Variants in NRBP1 observed in about 807,000 individuals in gnomAD.
The protein encoded by NRBP1 is nuclear receptor-binding protein.
A neutral mutation model predicts 76.0 loss-of-function variants in NRBP1; 10 were observed. That is an observed-to-expected ratio of 0.13 (90% CI 0.08 to 0.22). The LOEUF (loss-of-function observed/expected upper bound fraction) is 0.22, where lower values mean the gene tolerates loss of function less well. Among genes scored for constraint, NRBP1 ranks in the 10% least tolerant of loss-of-function variants. NRBP1 has a pLI of 1.00. For missense variants in NRBP1, 344 were observed against 646.0 expected (o/e 0.53, Z 5.07); for synonymous variants, 235 against 240.2 (o/e 0.98, Z 0.20).
chr2:27,434,816 A>G (rs1252210267), intron 6 of NRBP1, 54 bp downstream of exon 6: 29 of 1,544,158 alleles, frequency 1.9e-5, no homozygotes, highest in Middle Eastern at 1.7e-4. Flanking sequence ...AGTTACTCCA[A>G]ACAGATTTCA....
Position 27,441,734 on chromosome 2 carries a change from G to A in NRBP1, c.1530G>A (p.Leu510=). Residue 510 remains leucine (L), a synonymous_variant, in exon 18 of 18, where the codon CTG becomes CTA. Coordinates refer to ENST00000379852, the MANE Select transcript of NRBP1 (RefSeq NM_013392.4). ...SEADQSRLTS[L]LEETLNKFNF... is the part of the protein sequence containing the mutation. ...CTGACCAGAGCCGGTTGACTTCTCT[G>A]CTAGAAGAGACCTTGAACAAGTTCA... is the stretch of plus-strand genomic sequence containing the variant. 6.2e-7 allele frequency: 1 copy of A among 1,613,740 alleles called. No individual in the cohort carries two copies.
chr2:27,439,357 C>CT (rs1664433524), intron 10 of NRBP1, among the ~76,000 whole-genome samples: 1 of 151,528 alleles, frequency 6.6e-6, no homozygotes, highest in East Asian at 2.0e-4. Flanking sequence ...TGGTGGTGGG[C>CT]ACCTGTAGTC....
chr2:27,438,821 T>C (rs1160980846), intron 10 of NRBP1, among the ~76,000 whole-genome samples: 3 of 152,116 alleles, frequency 2.0e-5, no homozygotes, highest in African/African-American at 7.2e-5. Context: ...TATCTGGGTA[T>C]GGTGGCACAT....
chr2:27,440,040 G>C (rs71441078), intron 11 of NRBP1, 142 bp downstream of exon 11: 3 of 701,644 alleles, frequency 4.3e-6, no homozygotes, highest in Non-Finnish European at 6.3e-6. Flanking sequence ...TTGAGACAGA[G>C]TCTCACTCTC....
intron 1 of NRBP1, among the ~76,000 whole-genome samples, chr2:27,430,469 C>CTTTTTTTTTTTTTT (rs977927783): frequency 7.2e-6 from 1 of 138,686 alleles, no homozygotes; most frequent in African/African-American, 2.6e-5. Context: ...TTCTTTTTTT[C>CTTTTTTTTTTTTTT]TTTTTTTTTT....
intron 14 of NRBP1, 93 bp downstream of exon 14, chr2:27,441,033 T>C: frequency 1.2e-6 from 2 of 1,607,900 alleles, no homozygotes; most frequent in Non-Finnish European, 1.7e-6. Flanking sequence ...GAGAAAATGC[T>C]CCCTAGCAGC....
intron 2 of NRBP1, 84 bp downstream of exon 2, chr2:27,433,567 C>T (rs552338858): frequency 2.5e-6 from 4 of 1,602,050 alleles, no homozygotes; most frequent in Non-Finnish European, 3.4e-6. Flanking sequence ...AAGAGGCCAA[C>T]CAAACTTCAA....
Position 27,442,095 on chromosome 2 carries a change from C to A in NRBP1, c.*283C>A. The A allele has an allele frequency of 1.9e-6, 1 of 535,160 alleles. No individual in the cohort carries two copies. Among genetic ancestry groups the A allele is most frequent in the Non-Finnish European group, 3.3e-6 (1 of 306,334 alleles). 33.2% of individuals were successfully genotyped at this position (535,160 alleles called of 1,614,324 possible). On this transcript the variant is annotated 3_prime_UTR_variant, in exon 18 of 18. Transcript: ENST00000379852. ...AGTCGCTGATCTGCCGGCTCCCGCCCAGCCTGTGTGGAAAGGAGGCCCACG... is the reference window on the plus strand; with the variant it reads ...AGTCGCTGATCTGCCGGCTCCCGCCAAGCCTGTGTGGAAAGGAGGCCCACG...
chr2:27,434,397 A>C, intron 4 of NRBP1, 74 bp from the exon 5 acceptor site: 1 of 1,118,476 alleles, frequency 8.9e-7, no homozygotes. Context: ...CAAACCTTCA[A>C]ATTTAAAATA....
chr2:27,434,141 A>G (rs1195911945), intron 4 of NRBP1, 51 bp downstream of exon 4: 1 of 1,336,806 alleles, frequency 7.5e-7, no homozygotes, highest in Non-Finnish European at 1.1e-6. Context: ...GAGACTAGCT[A>G]CATTTATTAT....
In NRBP1 at chr2:27,437,307, C is replaced by A; in HGVS notation, c.850C>A (p.Pro284Thr). ...GGGCAATGGAGAGTCCTCATATGTG[C>A]CACAGGAAGCCATCAGCAGTGCCAT... ...IQGNGESSYV[P>T]QEAISSAIQL... The change falls in exon 10 of 18, where the codon CCA becomes ACA. Residue 284 changes from proline (P) to threonine (T), a missense_variant. This residue lies in a region of NRBP1 where 218 missense variants were observed against 309.8 expected (regional missense o/e 0.70). Transcript: ENST00000379852. The A allele has an allele frequency of 1.2e-6, 2 of 1,613,866 alleles. No individual in the cohort carries two copies. The highest frequency in any genetic ancestry group is 1.7e-6 in the Non-Finnish European group (2 of 1,179,866).
intron 6 of NRBP1, 88 bp downstream of exon 6, chr2:27,434,850 C>A: frequency 7.6e-7 from 1 of 1,320,438 alleles, no homozygotes; most frequent in South Asian, 1.2e-5. Context: ...CTGTTCTATT[C>A]TGCCTCTCCC....
chr2:27,436,103 GCAGA>G, intron 7 of NRBP1: 5 of 406,572 alleles, frequency 1.2e-5, no homozygotes, highest in South Asian at 1.1e-4. Context: ...CAGCTCTGTG[GCAGA>G]CAGTGTTGAG....
intron 1 of NRBP1, among the ~76,000 whole-genome samples, chr2:27,432,336 A>G (rs1664143601): frequency 6.6e-6 from 1 of 152,232 alleles, no homozygotes; most frequent in Non-Finnish European, 1.5e-5. Context: ...GGTCATCTTC[A>G]ACTAAGATAG....
chr2:27,438,680 T>A (rs1009763132), intron 10 of NRBP1, among the ~76,000 whole-genome samples: 2 of 152,132 alleles, frequency 1.3e-5, no homozygotes, highest in African/African-American at 2.4e-5. Context: ...GAGGCGGTGG[T>A]GGAACATGGT....
At chr2:27,435,804 C>T (rs1053159488) in intron 7 of NRBP1, 13 of 717,336 alleles carry the variant, frequency 1.8e-5, no homozygotes, top group Non-Finnish European at 3.1e-5. Flanking sequence ...GCTCCCTTGG[C>T]GGCTGCCCAG....
At chr2:27,438,531 G>T (rs1572693324) in intron 10 of NRBP1, among the ~76,000 whole-genome samples, 1 of 152,218 alleles carries the variant, frequency 6.6e-6, no homozygotes, top group African/African-American at 2.4e-5. Context: ...AAGTCAGGAG[G>T]ATAGTGTGGA....
chr2:27,433,614 G>A lies in NRBP1; in HGVS notation c.211-59G>A, dbSNP rs568278440. 2.5e-6 allele frequency: 4 copies of A among 1,611,336 alleles called. No individual in the cohort carries two copies. In the South Asian group the frequency reaches 4.4e-5, roughly 18 times the overall value. ...CTAGGAGGAGATGATCATATGGAGT[G>A]TTAAAATGGAGGATTTGTGAGATAA... On this transcript the variant is annotated intron_variant, in intron 2 of 17. Coordinates refer to ENST00000379852, the MANE Select transcript of NRBP1 (RefSeq NM_013392.4).
intron 1 of NRBP1, among the ~76,000 whole-genome samples, chr2:27,430,460 TCTTTTTTTC>T: frequency 8.8e-6 from 1 of 113,930 alleles, no homozygotes; most frequent in African/African-American, 3.9e-5. Flanking sequence ...TTCTTTTCTT[TCTTTTTTTC>T]TTTTTTTTTT....
Sources: gnomAD v4.1 joint callset for allele counts (sites outside exome capture counted in the v4.1 genomes callset) on GRCh38, gnomAD v4.1.1 for gene constraint, gnomAD v4.1.1 regional missense constraint, MANE v1.5 for transcripts, NCBI Gene and HGNC (gene_info 2026-07-23, HGNC 2026-07-21) for gene names.